The following BCL2 variants were observed in gnomAD, a reference collection of about 807,000 sequenced individuals.
BCL2 encodes the protein BCL2 apoptosis regulator, also known as apoptosis regulator Bcl-2.
In BCL2, 1 loss-of-function variant was observed where a neutral mutation model predicts 14.2. The observed-to-expected ratio is 0.07, with a 90% CI of 0.02 to 0.33. The LOEUF (loss-of-function observed/expected upper bound fraction) is 0.33. BCL2 is among the 10% of genes least tolerant of loss of function. The pLI, the probability that BCL2 is intolerant of heterozygous loss-of-function variation, is 0.99. For synonymous variants in BCL2, 151 were observed against 137.2 expected, an observed-to-expected ratio of 1.10 and a Z score of -0.70; for missense variants, 247 against 305.9, an observed-to-expected ratio of 0.81 and a Z score of 1.44.
intron 2 of BCL2, among the ~76,000 whole-genome samples, chr18:63,202,864 G>A (rs1255028022): frequency 6.6e-6 from 1 of 152,182 alleles, no homozygotes; most frequent in African/African-American, 2.4e-5. Context: ...CAAGGACTAT[G>A]TTGGCCTGCC....
intron 2 of BCL2, among the ~76,000 whole-genome samples, chr18:63,209,989 T>A (rs1034648290): frequency 2.6e-5 from 4 of 152,180 alleles, no homozygotes; most frequent in Non-Finnish European, 5.9e-5. Flanking sequence ...AGACAGTGTT[T>A]CCTTAAAAAC....
At chr18:63,239,897 G>A (rs1910950290) in intron 2 of BCL2, among the ~76,000 whole-genome samples, 1 of 152,206 alleles carries the variant, frequency 6.6e-6, no homozygotes, top group Non-Finnish European at 1.5e-5. Flanking sequence ...CAAAATCTCA[G>A]TTCACACTCG....
chr18:63,150,333 C>G (rs1204537329), intron 2 of BCL2, among the ~76,000 whole-genome samples: 2 of 152,250 alleles, frequency 1.3e-5, no homozygotes, highest in Non-Finnish European at 2.9e-5. Flanking sequence ...CAACACCCAG[C>G]TGAAGAGTGG....
chr18:63,297,054 T>C (rs1177471064), intron 2 of BCL2, among the ~76,000 whole-genome samples: 1 of 151,954 alleles, frequency 6.6e-6, no homozygotes, highest in Non-Finnish European at 1.5e-5. Context: ...CTACTAAAAA[T>C]ACAAAAAATT....
intron 2 of BCL2, among the ~76,000 whole-genome samples, chr18:63,251,096 C>T (rs535813660): frequency 4.8e-4 from 64 of 132,174 alleles, no homozygotes; most frequent in Non-Finnish European, 8.8e-4. Context: ...GGGAGTCCCA[C>T]AAAATATGAG....
chr18:63,170,510 A>G (rs1026077424), intron 2 of BCL2, among the ~76,000 whole-genome samples: 1 of 152,108 alleles, frequency 6.6e-6, no homozygotes, highest in Non-Finnish European at 1.5e-5. Flanking sequence ...CCTTTCTTCC[A>G]TCTTTGGTGT....
At chr18:63,219,516 G>T (rs1175776354) in intron 2 of BCL2, among the ~76,000 whole-genome samples, 1 of 149,226 alleles carries the variant, frequency 6.7e-6, no homozygotes, top group Non-Finnish European at 1.5e-5. Flanking sequence ...GAACACAGTG[G>T]CACAATCTCA....
chr18:63,313,503 T>C (rs920314144), intron 2 of BCL2, among the ~76,000 whole-genome samples: 7 of 152,174 alleles, frequency 4.6e-5, no homozygotes, highest in Non-Finnish European at 5.9e-5. Flanking sequence ...CTTAAAAAGG[T>C]TGAACAGAAC....
Position 63,124,078 on chromosome 18 carries a change from C to A in BCL2, c.*4547G>T. 4.5e-6 allele frequency: 1 copy of A among 221,714 alleles called. No individual in the cohort carries two copies. Among genetic ancestry groups the A allele is most frequent in the Non-Finnish European group, 9.0e-6 (1 of 110,836 alleles). 13.7% of individuals were successfully genotyped at this position (221,714 alleles called of 1,614,324 possible). A position where few individuals can be genotyped will look rare whatever the true frequency, so the allele number is the denominator to read the frequency against. ...CGGTACAGTACCATTCATGCTCCATCTGATTTTCTTTGCATCCAGTGAGAT... is the reference window on the plus strand; with the variant it reads ...CGGTACAGTACCATTCATGCTCCATATGATTTTCTTTGCATCCAGTGAGAT... On this transcript the variant is annotated 3_prime_UTR_variant, in exon 3 of 3. Transcript: ENST00000333681.
chr18:63,204,422 A>C (rs1909778565), intron 2 of BCL2, among the ~76,000 whole-genome samples: 1 of 152,238 alleles, frequency 6.6e-6, no homozygotes, highest in African/African-American at 2.4e-5. Context: ...TGTGGGACCC[A>C]GTCGCCATAT....
At chr18:63,168,461 G>A (rs1915097946) in intron 2 of BCL2, among the ~76,000 whole-genome samples, 2 of 152,180 alleles carry the variant, frequency 1.3e-5, no homozygotes, top group Admixed American at 1.3e-4. Context: ...GTTGAGGTGG[G>A]GACTGAGGCC....
intron 2 of BCL2, among the ~76,000 whole-genome samples, chr18:63,145,366 C>G (rs1396914045): frequency 8.5e-6 from 1 of 117,918 alleles, no homozygotes; most frequent in Non-Finnish European, 1.7e-5. Context: ...GCTTCCCTGG[C>G]CACTCGCCCC....
intron 2 of BCL2, among the ~76,000 whole-genome samples, chr18:63,169,327 C>CTTT (rs1568222533): frequency 0.016 from 587 of 36,498 alleles, 20 homozygotes; most frequent in East Asian, 0.031. Flanking sequence ...TTCCTTCTTT[C>CTTT]CTTTCCTTCC....
At chr18:63,264,822 C>T (rs1911771561) in intron 2 of BCL2, among the ~76,000 whole-genome samples, 1 of 5,364 alleles carries the variant, frequency 1.9e-4, no homozygotes, top group East Asian at 4.3e-3. Context: ...CACCCCAAAC[C>T]TCTTACTTCT....
At chr18:63,166,372 G>T (rs1460942140) in intron 2 of BCL2, among the ~76,000 whole-genome samples, 1 of 152,180 alleles carries the variant, frequency 6.6e-6, no homozygotes, top group Non-Finnish European at 1.5e-5. Context: ...ACCCTGGACG[G>T]GGCAGGGACG....
chr18:63,213,602 T>C (rs543716135), intron 2 of BCL2, among the ~76,000 whole-genome samples: 1 of 150,984 alleles, frequency 6.6e-6, no homozygotes, highest in South Asian at 2.1e-4. Flanking sequence ...GTTGAGGCAT[T>C]GTCTAATCCA....
chr18:63,159,623 T>C (rs1313674508), intron 2 of BCL2, among the ~76,000 whole-genome samples: 1 of 152,216 alleles, frequency 6.6e-6, no homozygotes, highest in Non-Finnish European at 1.5e-5. Flanking sequence ...TGAGTGGACA[T>C]TTATTAGGCA....
chr18:63,165,994 C>G (rs1915035035), intron 2 of BCL2, among the ~76,000 whole-genome samples: 1 of 152,226 alleles, frequency 6.6e-6, no homozygotes, highest in Non-Finnish European at 1.5e-5. Flanking sequence ...AGCAAGTCCA[C>G]TGTCATTTTG....
At chr18:63,266,676 CTACA>C (rs1911842453) in intron 2 of BCL2, among the ~76,000 whole-genome samples, 4 of 148,054 alleles carry the variant, frequency 2.7e-5, no homozygotes, top group Admixed American at 6.8e-5. Flanking sequence ...TATATTTATA[CTACA>C]TACAAATCAA....
Sources: gnomAD v4.1 joint callset for allele counts (sites outside exome capture counted in the v4.1 genomes callset) on GRCh38, gnomAD v4.1.1 for gene constraint, MANE v1.5 for transcripts, NCBI Gene and HGNC (gene_info 2026-07-23, HGNC 2026-07-21) for gene names.